Variants in CFAP97 observed in about 807,000 individuals in gnomAD.
The protein encoded by CFAP97 is cilia and flagella associated protein 97.
Under a neutral mutation model 43.1 loss-of-function variants are expected in CFAP97, and 36 were observed. That is an observed-to-expected ratio of 0.84 (90% CI 0.64 to 1.10). The LOEUF is 1.10. Ranked by LOEUF, CFAP97 falls within the 50% of genes least tolerant of loss-of-function variation. CFAP97 has a pLI of 0.00. For missense variants in CFAP97, 657 were observed against 620.3 expected, an observed-to-expected ratio of 1.06 and a Z score of -0.63; for synonymous variants, 228 against 225.7, an observed-to-expected ratio of 1.01 and a Z score of -0.09.
At chr4:185,173,979 A>G (rs959002098) in intron 3 of CFAP97, among the ~76,000 whole-genome samples, 7 of 152,182 alleles carry the variant, frequency 4.6e-5, no homozygotes, top group African/African-American at 1.7e-4. Flanking sequence ...TTATATCTCA[A>G]TAAAGCTGGT....
At chr4:185,175,666 C>A (rs192782051) in intron 3 of CFAP97, 120 bp downstream of exon 3, 10 of 864,538 alleles carry the variant, frequency 1.2e-5, no homozygotes, top group African/African-American at 1.7e-5. Flanking sequence ...CCACACATAC[C>A]GCACCTGCTT....
At position 185,160,481 on chromosome 4, in the gene CFAP97, T is replaced by A. The variant is rs1485506105; in HGVS notation, c.*2317A>T. Reference sequence around the variant, plus strand: ...CTTCTTAAGAATGTCCCTTAAACTATAACAACTTCATAGCATCTTGACTTA... The same window carrying A: ...CTTCTTAAGAATGTCCCTTAAACTAAAACAACTTCATAGCATCTTGACTTA... On this transcript the variant is annotated 3_prime_UTR_variant, in exon 5 of 5. Coordinates refer to ENST00000458385, the MANE Select transcript of CFAP97 (RefSeq NM_020827.3). 6 of 152,150 alleles carry A rather than the reference T, an allele frequency of 3.9e-5. No homozygotes were observed. The highest frequency in any genetic ancestry group is 1.2e-4 in the African/African-American group (5 of 41,452). The allele number at this position is 152,150 out of a possible 1,614,324, so 9.4% of individuals were successfully genotyped here.
intron 1 of CFAP97, among the ~76,000 whole-genome samples, chr4:185,199,019 G>A (rs1204849842): frequency 6.6e-6 from 1 of 152,126 alleles, no homozygotes; most frequent in Non-Finnish European, 1.5e-5. Flanking sequence ...CTCTTATTAA[G>A]AGCTAATGGA....
chr4:185,177,250 T>C (rs1735587932), intron 2 of CFAP97, among the ~76,000 whole-genome samples: 1 of 151,794 alleles, frequency 6.6e-6, no homozygotes, highest in South Asian at 2.1e-4. Context: ...CTATCCCTAC[T>C]AAAATACAAA....
intron 3 of CFAP97, among the ~76,000 whole-genome samples, 193 bp downstream of exon 3, chr4:185,175,593 T>C (rs903621358): frequency 1.3e-5 from 2 of 152,148 alleles, no homozygotes; most frequent in Non-Finnish European, 2.9e-5. Context: ...TCTTAATATA[T>C]AGTTTCCTGG....
chr4:185,193,516 T>G (rs75418769), intron 1 of CFAP97, among the ~76,000 whole-genome samples: 3 of 152,084 alleles, frequency 2.0e-5, no homozygotes, highest in African/African-American at 2.4e-5. Flanking sequence ...TGTGGTAGTG[T>G]GCGCCTGTAA....
At chr4:185,206,646 C>T (rs1737198753), upstream of CFAP97, among the ~76,000 whole-genome samples, 3 of 103,532 alleles carry the variant, frequency 2.9e-5, no homozygotes, top group Non-Finnish European at 5.5e-5. Flanking sequence ...GTAACAAGAG[C>T]GAAACTCTTG....
chr4:185,205,412 C>T (rs941608867), upstream of CFAP97, among the ~76,000 whole-genome samples: 1 of 151,518 alleles, frequency 6.6e-6, no homozygotes, highest in African/African-American at 2.4e-5. Context: ...CGAGATCGTG[C>T]CACTGCACTC....
At chr4:185,199,720 C>T (rs1736738564) in intron 1 of CFAP97, among the ~76,000 whole-genome samples, 1 of 152,130 alleles carries the variant, frequency 6.6e-6, no homozygotes, top group African/African-American at 2.4e-5. Flanking sequence ...TATGCTAAAT[C>T]TACTCTGCCT....
chr4:185,192,803 C>T (rs1445510663), intron 1 of CFAP97, among the ~76,000 whole-genome samples: 1 of 128,122 alleles, frequency 7.8e-6, no homozygotes, highest in Non-Finnish European at 1.5e-5. Context: ...TGCAGTGGTG[C>T]AATCTCGGCT....
chr4:185,207,719 G>A (rs1278982870), upstream of CFAP97: 1 of 152,160 alleles, frequency 6.6e-6, no homozygotes. Flanking sequence ...TTGCAATGTT[G>A]AGCATGTCAT....
intron 2 of CFAP97, among the ~76,000 whole-genome samples, chr4:185,177,818 G>C (rs1056680630): frequency 1.3e-5 from 2 of 152,138 alleles, no homozygotes; most frequent in African/African-American, 2.4e-5. Context: ...CTGGGCGACA[G>C]AGCAAGACTC....
upstream of CFAP97, chr4:185,209,768 C>A: frequency 4.1e-6 from 4 of 984,016 alleles, no homozygotes; most frequent in Non-Finnish European, 4.8e-6. The surrounding 1 kb of genome is among the most constrained non-coding windows in gnomAD (Gnocchi z 5.2). Flanking sequence ...GCCTCCGGAG[C>A]GCCGGCGGGG....
intron 3 of CFAP97, chr4:185,169,788 C>T: frequency 7.1e-6 from 7 of 985,442 alleles, no homozygotes; most frequent in Non-Finnish European, 7.2e-6. Context: ...CAGGCAGAAT[C>T]AAGACGACTG....
chr4:185,185,671 C>G (rs1234962853), intron 2 of CFAP97, among the ~76,000 whole-genome samples: 2 of 124,572 alleles, frequency 1.6e-5, no homozygotes, highest in Non-Finnish European at 1.6e-5. Flanking sequence ...GGGTCTTACT[C>G]TGTCTCCTAG....
At chr4:185,197,927 T>C (rs1736628801) in intron 1 of CFAP97, among the ~76,000 whole-genome samples, 2 of 152,164 alleles carry the variant, frequency 1.3e-5, no homozygotes, top group African/African-American at 4.8e-5. Flanking sequence ...TTAAGACTGC[T>C]ACTTCAGCGA....
chr4:185,207,127 G>T (rs897917571), upstream of CFAP97, among the ~76,000 whole-genome samples: 1 of 151,820 alleles, frequency 6.6e-6, no homozygotes, highest in African/African-American at 2.4e-5. Flanking sequence ...AATCTTCTTG[G>T]GAAACACCCA....
intron 1 of CFAP97, among the ~76,000 whole-genome samples, chr4:185,203,602 T>C (rs969422454): frequency 1.3e-5 from 2 of 151,920 alleles, no homozygotes; most frequent in African/African-American, 4.8e-5. Flanking sequence ...CGGCATGTGG[T>C]CGCGGCCCAA....
intron 2 of CFAP97, chr4:185,182,442 A>C (rs551404490): frequency 2.6e-5 from 4 of 152,192 alleles, no homozygotes; most frequent in Admixed American, 6.5e-5. Context: ...AAATTCGACT[A>C]ATCTTTCAAG....
Sources: gnomAD v4.1 joint callset for allele counts (sites outside exome capture counted in the v4.1 genomes callset) on GRCh38, gnomAD v4.1.1 for gene constraint, Gnocchi (gnomAD v3.1) non-coding constraint, MANE v1.5 for transcripts, NCBI Gene and HGNC (gene_info 2026-07-23, HGNC 2026-07-21) for gene names.